KRT71: variants seen among roughly 807,000 people sequenced by gnomAD.
KRT71 encodes keratin, type II cytoskeletal 71.
A neutral mutation model predicts 46.2 loss-of-function variants in KRT71; 42 were observed. That is an observed-to-expected ratio of 0.91 (90% CI 0.71 to 1.18). KRT71 has a LOEUF of 1.18. KRT71 is among the 50% of genes most tolerant of loss of function. The pLI is 0.00. For missense variants in KRT71, 708 were observed against 677.9 expected (o/e 1.04, Z -0.49); for synonymous variants, 292 against 277.8 (o/e 1.05, Z -0.51).
rs766875585 is a variant in KRT71, at chr12:52,548,281, C to T, written c.849G>A (p.Met283Ile). Residue 283 changes from methionine (M) to isoleucine (I), a missense_variant, in exon 5 of 9, where the codon ATG becomes ATA. Met to Ile is a conservative substitution (Grantham distance 10, BLOSUM62 1). Transcript: ENST00000267119. Reference sequence around the variant, plus strand: ...TGTTGTCCATGGACAGGATGACAGACATGTCACTGATGTGGGACTGGATCT... The same window carrying T: ...TGTTGTCCATGGACAGGATGACAGATATGTCACTGATGTGGGACTGGATCT... Reference protein sequence around the residue: ...ITQIQSHISDMSVILSMDNNR... With the variant: ...ITQIQSHISDISVILSMDNNR... 3 of 1,613,684 alleles carry T rather than the reference C, an allele frequency of 1.9e-6. No individual in the cohort carries two copies. Among genetic ancestry groups the T allele is most frequent in the Admixed American group, 1.7e-5 (1 of 59,992 alleles).
At chr12:52,545,829 A>T (rs550466975) in intron 7 of KRT71, among the ~76,000 whole-genome samples, 4 of 152,274 alleles carry the variant, frequency 2.6e-5, no homozygotes, top group Non-Finnish European at 5.9e-5. Context: ...CAAAAGGTGC[A>T]CACGTAGGGG....
Position 52,549,310 on chromosome 12 carries a change from A to G in KRT71, c.700T>C (p.Phe234Leu). ...CCCCTCACCTTCTTGAGCAGCACAAACTCGTTCTCTGCTGCTGTCCGCTTG... is the reference window on the plus strand; with the variant it reads ...CCCCTCACCTTCTTGAGCAGCACAAGCTCGTTCTCTGCTGCTGTCCGCTTG... ...INKRTAAENE[F>L]VLLKKDVDAA... The change falls in exon 3 of 9, where the codon TTT (phenylalanine) becomes CTT (leucine). Residue 234 changes from phenylalanine (F) to leucine (L), a missense_variant. Transcript: ENST00000267119. The G allele has an allele frequency of 3.7e-6, 6 of 1,613,468 alleles. No homozygotes were observed. Among genetic ancestry groups the G allele is most frequent in the Non-Finnish European group, 5.1e-6 (6 of 1,179,796 alleles).
chr12:52,544,422 T>C lies in KRT71; in HGVS notation c.*110A>G, dbSNP rs2120547729. The C allele has an allele frequency of 3.9e-6, 4 of 1,022,020 alleles. No individual in the cohort carries two copies. Among genetic ancestry groups the C allele is most frequent in the Non-Finnish European group, 6.1e-6 (4 of 657,240 alleles). 63.3% of individuals were successfully genotyped at this position (1,022,020 alleles called of 1,614,324 possible). A position where few individuals can be genotyped will look rare whatever the true frequency, so the allele number is the denominator to read the frequency against. Reference sequence around the variant, plus strand: ...GTGGCCAAGGCCAGTGCCAGGTGTATGGGAGCAGGACCAGCAGGGTGGAGA... The same window carrying C: ...GTGGCCAAGGCCAGTGCCAGGTGTACGGGAGCAGGACCAGCAGGGTGGAGA... On this transcript the variant is annotated 3_prime_UTR_variant, in exon 9 of 9. Coordinates refer to ENST00000267119, the MANE Select transcript of KRT71 (RefSeq NM_033448.3).
intron 3 of KRT71, 45 bp downstream of exon 3, chr12:52,549,248 G>C: frequency 6.7e-7 from 1 of 1,494,450 alleles, no homozygotes; most frequent in Non-Finnish European, 9.3e-7. Context: ...TGTTCCTCCA[G>C]GTCCCAGGCC....
chr12:52,548,799 G>A lies in KRT71; in HGVS notation c.718-3C>T. 9 of 1,613,700 alleles carry A rather than the reference G, an allele frequency of 5.6e-6. No homozygotes were observed. Among genetic ancestry groups the A allele is most frequent in the Non-Finnish European group, 7.6e-6 (9 of 1,179,610 alleles). ...TTGGCGTAAGCAGCATCCACATCCTGAAAGATGCCCCCACCATCCCCTGTC... is the reference window on the plus strand; with the variant it reads ...TTGGCGTAAGCAGCATCCACATCCTAAAAGATGCCCCCACCATCCCCTGTC... On this transcript the variant is annotated splice_polypyrimidine_tract_variant and splice_region_variant and intron_variant, in intron 3 of 8. Coordinates refer to ENST00000267119, the MANE Select transcript of KRT71 (RefSeq NM_033448.3).
At chr12:52,546,177 C>A (rs1939053212) in intron 7 of KRT71, 109 bp downstream of exon 7, 2 of 1,161,030 alleles carry the variant, frequency 1.7e-6, no homozygotes, top group Admixed American at 2.3e-5. Flanking sequence ...TCCTCATCAC[C>A]CCATCACTTC....
Position 52,544,683 on chromosome 12 carries a change from C to A in KRT71, c.1421G>T (p.Gly474Val). ...VYGFRPSMVS[G>V]GYVANSSNCI... ...GTTGCTGCTGTTGGCCACATAGCCA[C>A]CGCTGACCATGCTGGGCCGGAAGCC... The change falls in exon 9 of 9, where the codon GGT (glycine) becomes GTT (valine). Residue 474 changes from glycine (G) to valine (V), a missense_variant. By Grantham distance (109) the Gly-to-Val change is moderately radical. Transcript: ENST00000267119. 1.2e-6 allele frequency: 2 copies of A among 1,613,806 alleles called. No individual in the cohort carries two copies. The highest frequency in any genetic ancestry group is 8.5e-7 in the Non-Finnish European group (1 of 1,180,002).
chr12:52,544,777 G>A lies in KRT71; in HGVS notation c.1361-34C>T, dbSNP rs370261699. Reference sequence around the variant, plus strand: ...GGAGCCGAAGCCAACACCCACTCAGGCAGAGAGCTGGGGAGGCCTCCTTTT... The same window carrying A: ...GGAGCCGAAGCCAACACCCACTCAGACAGAGAGCTGGGGAGGCCTCCTTTT... On this transcript the variant is annotated intron_variant, in intron 8 of 8. Coordinates refer to ENST00000267119, the MANE Select transcript of KRT71 (RefSeq NM_033448.3). 3.3e-5 allele frequency: 52 copies of A among 1,567,042 alleles called. No homozygotes were observed. The Middle Eastern group carries it at 1.7e-3, about 50-fold the overall frequency.
At position 52,544,661 on chromosome 12, in the gene KRT71, G is replaced by A; in HGVS notation, c.1443C>T (p.Ser481=). Residue 481 remains serine (S), a synonymous_variant, in exon 9 of 9, where the codon AGC becomes AGT. Coordinates refer to ENST00000267119, the MANE Select transcript of KRT71 (RefSeq NM_033448.3). ...MVSGGYVANS[S]NCISGVCSVR... ...CGCTGCACACTCCAGAGATGCAGTT[G>A]CTGCTGTTGGCCACATAGCCACCGC... 3 of 1,613,974 alleles carry A rather than the reference G, an allele frequency of 1.9e-6. No homozygotes were observed. Among genetic ancestry groups the A allele is most frequent in the Middle Eastern group, 1.6e-4 (1 of 6,062 alleles).
chr12:52,544,053 G>C lies in KRT71; in HGVS notation c.*479C>G, dbSNP rs1407843637. On this transcript the variant is annotated 3_prime_UTR_variant, in exon 9 of 9. Coordinates refer to ENST00000267119, the MANE Select transcript of KRT71 (RefSeq NM_033448.3). ...ATTGCACTTGGTCCCACTCAGATTTGAGACTGAGCTAGATGTGGGGGTGGG... is the reference window on the plus strand; with the variant it reads ...ATTGCACTTGGTCCCACTCAGATTTCAGACTGAGCTAGATGTGGGGGTGGG... 1 of 168,436 alleles carries C rather than the reference G, an allele frequency of 5.9e-6. No homozygotes were observed. Among genetic ancestry groups the C allele is most frequent in the Non-Finnish European group, 1.3e-5 (1 of 76,880 alleles). 10.4% of individuals were successfully genotyped at this position (168,436 alleles called of 1,614,324 possible). A position where few individuals can be genotyped will look rare whatever the true frequency, so the allele number is the denominator to read the frequency against.
chr12:52,548,122 C>T (rs757732930), intron 5 of KRT71, 30 bp downstream of exon 5: 1 of 1,608,484 alleles, frequency 6.2e-7, no homozygotes, highest in Admixed American at 1.7e-5. Context: ...CTGGCATCAC[C>T]CTCCCTGGCC....
chr12:52,546,459 G>T lies in KRT71; in HGVS notation c.1152C>A (p.Asp384Glu), dbSNP rs1939059484. Residue 384 changes from aspartate to glutamate, a missense_variant, in exon 7 of 9, where the codon GAC (aspartate) becomes GAA (glutamate). Transcript: ENST00000267119. ...TGGCCCGGGCATCCTTCAGGGCGTTGTCTCCCCGCTGCTCAGCATCAGCGA... is the reference window on the plus strand; with the variant it reads ...TGGCCCGGGCATCCTTCAGGGCGTTTTCTCCCCGCTGCTCAGCATCAGCGA... ...TAIADAEQRG[D>E]NALKDARAKL... 1 of 1,614,192 alleles carries T rather than the reference G, an allele frequency of 6.2e-7. No homozygotes were observed. Among genetic ancestry groups the T allele is most frequent in the Non-Finnish European group, 8.5e-7 (1 of 1,180,042 alleles).
chr12:52,544,573 C>T lies in KRT71; in HGVS notation c.1531G>A (p.Gly511Ser). The T allele has an allele frequency of 6.2e-7, 1 of 1,614,114 alleles. No individual in the cohort carries two copies. Among genetic ancestry groups the T allele is most frequent in the Non-Finnish European group, 8.5e-7 (1 of 1,180,002 alleles). Residue 511 changes from glycine to serine, a missense_variant, in exon 9 of 9, where the codon GGT (glycine) becomes AGT (serine). Gly to Ser is a moderately conservative substitution (Grantham distance 56). Transcript: ENST00000267119. ...ANDYKDTLGKGSSLSAPSKKT... is the reference protein window; with the variant it reads ...ANDYKDTLGKSSSLSAPSKKT... ...TTGGAGGGTGCACTCAGGCTGGAACCCTTCCCTAGGGTGTCTTTGTAATCG... is the reference window on the plus strand; with the variant it reads ...TTGGAGGGTGCACTCAGGCTGGAACTCTTCCCTAGGGTGTCTTTGTAATCG...
rs750967438 is a variant in KRT71, at chr12:52,548,686, G to T, written c.813+15C>A. 6.2e-6 allele frequency: 10 copies of T among 1,610,390 alleles called. No individual in the cohort carries two copies. Among genetic ancestry groups the T allele is most frequent in the South Asian group, 1.1e-5 (1 of 90,980 alleles). On this transcript the variant is annotated intron_variant, in intron 4 of 8. Transcript: ENST00000267119. Reference sequence around the variant, plus strand: ...CAGCCTCCCCTAGATGAACCAAGTGGGCAGACAGACTTACGGCTTCAAAGA... The same window carrying T: ...CAGCCTCCCCTAGATGAACCAAGTGTGCAGACAGACTTACGGCTTCAAAGA...
Position 52,546,525 on chromosome 12 carries a change from A to G in KRT71, c.1105-19T>C, listed in dbSNP as rs1032051698. The G allele has an allele frequency of 6.2e-7, 1 of 1,609,250 alleles. No homozygotes were observed. The stretch of plus-strand genomic sequence containing the variant: ...TGGAAGCCTAAGGAAGGAATTGGTG[A>G]AGTCGAAAAATTTGGAGGAGCCACT... On this transcript the variant is annotated intron_variant, in intron 6 of 8. Transcript: ENST00000267119.
At position 52,544,696 on chromosome 12, in the gene KRT71, T is replaced by A. The variant is rs761342173; in HGVS notation, c.1408A>T (p.Ser470Cys). The A allele has an allele frequency of 6.2e-7, 1 of 1,613,186 alleles. No individual in the cohort carries two copies. Among genetic ancestry groups the A allele is most frequent in the Admixed American group, 1.7e-5 (1 of 60,014 alleles). The stretch of plus-strand genomic sequence containing the variant: ...GCCACATAGCCACCGCTGACCATGC[T>A]GGGCCGGAAGCCATAGACACTGCCG... ...SGGSVYGFRPSMVSGGYVANS... is the reference protein window; with the variant it reads ...SGGSVYGFRPCMVSGGYVANS... Residue 470 changes from serine to cysteine, a missense_variant, in exon 9 of 9, where the codon AGC becomes TGC. Coordinates refer to ENST00000267119, the MANE Select transcript of KRT71 (RefSeq NM_033448.3).
intron 3 of KRT71, 73 bp downstream of exon 3, chr12:52,549,220 G>A: frequency 8.5e-7 from 1 of 1,171,294 alleles, no homozygotes; most frequent in East Asian, 2.3e-5. Flanking sequence ...GGGGCTAACA[G>A]AGCACCTTGG....
chr12:52,552,122 G>A (rs1306543558), intron 1 of KRT71, among the ~76,000 whole-genome samples: 1 of 152,214 alleles, frequency 6.6e-6, no homozygotes, highest in African/African-American at 2.4e-5. Context: ...GAGCACAAGA[G>A]CACCGTGGAG....
chr12:52,550,294 G>T (rs372197806), intron 1 of KRT71, 51 bp from the exon 2 acceptor site: 3 of 1,600,660 alleles, frequency 1.9e-6, no homozygotes, highest in Non-Finnish European at 2.6e-6. Context: ...ATAGTCACAC[G>T]TGTCTCTCAC....
Sources: gnomAD v4.1 joint callset for allele counts (sites outside exome capture counted in the v4.1 genomes callset) on GRCh38, gnomAD v4.1.1 for gene constraint, MANE v1.5 for transcripts, NCBI Gene and HGNC (gene_info 2026-07-23, HGNC 2026-07-21) for gene names.